ZNF800: variants seen among roughly 807,000 people sequenced by gnomAD.
ZNF800 encodes zinc finger protein 800.
In ZNF800, 13 loss-of-function variants were observed where a neutral mutation model predicts 59.5. The observed-to-expected ratio is 0.22, with a 90% confidence interval of 0.14 to 0.35. The LOEUF (loss-of-function observed/expected upper bound fraction) is 0.35. Among genes scored for constraint, ZNF800 ranks in the 10% least tolerant of loss-of-function variants. The pLI, the probability that ZNF800 is intolerant of heterozygous loss-of-function variation, is 1.00. For missense variants in ZNF800, 621 were observed against 783.7 expected (o/e 0.79, Z 2.48); for synonymous variants, 266 against 265.7 (o/e 1.00, Z -0.01).
At chr7:127,369,038 C>A (rs77444770), downstream of ZNF800, among the ~76,000 whole-genome samples, 12 of 146,936 alleles carry the variant, frequency 8.2e-5, no homozygotes, top group South Asian at 2.1e-4. Context: ...AGACATAAAC[C>A]AAAAAAAAAA....
At chr7:127,347,603 G>C (rs1211544669) in exon 2 of ZNF800, 1 of 152,330 alleles carries the variant, frequency 6.6e-6, no homozygotes, top group African/African-American at 2.4e-5. Flanking sequence ...GCTGCTCTGC[G>C]AACAACCACG....
At chr7:127,387,459 C>T (rs1426170881) in intron 2 of ZNF800, among the ~76,000 whole-genome samples, 1 of 152,204 alleles carries the variant, frequency 6.6e-6, no homozygotes, top group African/African-American at 2.4e-5. Context: ...TATATAGATA[C>T]AGGCTTAGAT....
At chr7:127,343,816 A>C (rs1251608781), downstream of ZNF800, among the ~76,000 whole-genome samples, 2 of 151,888 alleles carry the variant, frequency 1.3e-5, no homozygotes, top group African/African-American at 4.8e-5. Flanking sequence ...TGCAGAAATA[A>C]TCCAGTATTG....
chr7:127,381,307 T>C lies in ZNF800; in HGVS notation c.158-3978A>G, dbSNP rs192386437. 8.5e-4 allele frequency among the ~76,000 whole-genome samples: 130 copies of C among 152,258 alleles called. 1 individual carries two copies. Among genetic ancestry groups the C allele is most frequent in the Admixed American group, 8.5e-3 (130 of 15,294 alleles). On this transcript the variant is annotated intron_variant, in intron 3 of 5. Transcript: ENST00000265827. ...CATCAAAACACTGCAAGTAAATAAA[T>C]GTACGTTCCTCATCACAACTCCTGA... is the stretch of plus-strand genomic sequence containing the variant.
At chr7:127,391,704 C>G in intron 1 of ZNF800, 89 bp from the exon 2 acceptor site, 1 of 694,584 alleles carries the variant, frequency 1.4e-6, no homozygotes, top group Non-Finnish European at 2.6e-6. Flanking sequence ...ATCATCAGCT[C>G]TCCGCTTTCC....
chr7:127,383,338 C>T (rs186792245), intron 3 of ZNF800, among the ~76,000 whole-genome samples: 103 of 152,312 alleles, frequency 6.8e-4, no homozygotes, highest in Admixed American at 2.0e-3. Context: ...CATATTACTA[C>T]CATTCAACCT....
At chr7:127,344,326 T>C (rs551605449), downstream of ZNF800, among the ~76,000 whole-genome samples, 1 of 152,128 alleles carries the variant, frequency 6.6e-6, no homozygotes, top group African/African-American at 2.4e-5. Context: ...ATACAATTAA[T>C]AAAAATATGC....
chr7:127,384,113 G>T (rs1801056545), intron 3 of ZNF800, among the ~76,000 whole-genome samples: 1 of 149,244 alleles, frequency 6.7e-6, no homozygotes, highest in African/African-American at 2.5e-5. Flanking sequence ...AATTAAAAAA[G>T]ATTTTTGGAA....
At chr7:127,381,391 A>G (rs2117161643) in intron 3 of ZNF800, among the ~76,000 whole-genome samples, 1 of 152,224 alleles carries the variant, frequency 6.6e-6, no homozygotes, top group Admixed American at 6.5e-5. Flanking sequence ...AGAAAACTTA[A>G]GAAATTGAAA....
chr7:127,377,105 C>T lies in ZNF800; in HGVS notation c.301+81G>A, dbSNP rs1800808316. ...TTATCAAATTATCAGTAACTAGATA[C>T]AATTTTAATGCAAATGTATACTTGC... On this transcript the variant is annotated intron_variant, in intron 4 of 5. Transcript: ENST00000265827. This position sits in a 1 kb window ranked among gnomAD's most constrained non-coding sequence, Gnocchi z 4.7. The T allele has an allele frequency of 7.9e-7, 1 of 1,270,712 alleles. No individual in the cohort carries two copies. The allele number at this position is 1,270,712 out of a possible 1,614,324, so 78.7% of individuals were successfully genotyped here. A position where few individuals can be genotyped will look rare whatever the true frequency, so the allele number is the denominator to read the frequency against.
intron 2 of ZNF800, 45 bp downstream of exon 2, chr7:127,391,451 TG>T: frequency 1.3e-6 from 2 of 1,581,424 alleles, no homozygotes; most frequent in South Asian, 2.2e-5. Flanking sequence ...GAAGGCAGAG[TG>T]GCTCTGATGG....
intron 2 of ZNF800, among the ~76,000 whole-genome samples, chr7:127,390,360 T>C (rs1253331612): frequency 2.0e-5 from 3 of 152,206 alleles, no homozygotes; most frequent in African/African-American, 4.8e-5. Context: ...AGCAGTTCAA[T>C]AGAAACTGGA....
At chr7:127,363,744 G>T (rs1202634361) in intron 1 of ZNF800, 1 of 152,068 alleles carries the variant, frequency 6.6e-6, no homozygotes, top group African/African-American at 2.4e-5. Flanking sequence ...CTAAAATACT[G>T]AGTAAGATAA....
chr7:127,358,992 TTC>T (rs1187560883), intron 1 of ZNF800, among the ~76,000 whole-genome samples: 1 of 152,164 alleles, frequency 6.6e-6, no homozygotes, highest in African/African-American at 2.4e-5. Flanking sequence ...TTTAAATAAT[TTC>T]TTTCATCTTC....
chr7:127,343,017 T>C (rs1371690949), downstream of ZNF800, among the ~76,000 whole-genome samples: 4 of 152,086 alleles, frequency 2.6e-5, no homozygotes, highest in Non-Finnish European at 5.9e-5. Context: ...AACAGTAATA[T>C]AATCCATTAT....
intron 4 of ZNF800, among the ~76,000 whole-genome samples, chr7:127,376,454 C>A (rs1800790096): frequency 6.6e-6 from 1 of 151,834 alleles, no homozygotes. Context: ...AAAGAAAATA[C>A]CATTAGATAC....
At chr7:127,371,881 G>A (rs1252611555) in intron 5 of ZNF800, 67 bp from the exon 6 acceptor site, 4 of 689,804 alleles carry the variant, frequency 5.8e-6, no homozygotes, top group South Asian at 3.3e-5. Flanking sequence ...TTAAAACTAT[G>A]CAACAGTAAA....
At chr7:127,348,368 T>G (rs2117009156) in intron 1 of ZNF800, among the ~76,000 whole-genome samples, 1 of 150,792 alleles carries the variant, frequency 6.6e-6, no homozygotes, top group East Asian at 2.0e-4. Context: ...ACCTACAAAC[T>G]TTTCATACAG....
At chr7:127,362,729 A>C (rs1034068780) in intron 1 of ZNF800, 1 of 152,200 alleles carries the variant, frequency 6.6e-6, no homozygotes, top group Non-Finnish European at 1.5e-5. Context: ...GGAAAGGAAC[A>C]TGAAACAAAC....
Sources: allele counts gnomAD v4.1 joint callset (sites outside exome capture counted in the v4.1 genomes callset), GRCh38; gene constraint gnomAD v4.1.1; non-coding constraint Gnocchi (gnomAD v3.1); transcripts MANE v1.5; gene names NCBI Gene and HGNC (gene_info 2026-07-23, HGNC 2026-07-21).